The following USP33 variants were observed in gnomAD, a reference collection of about 807,000 sequenced individuals.
USP33 encodes ubiquitin carboxyl-terminal hydrolase 33.
In USP33, 46 loss-of-function variants were observed where a neutral mutation model predicts 124.2. That is an observed-to-expected ratio of 0.37 (90% CI 0.29 to 0.47). The LOEUF is 0.47. Among genes scored for constraint, USP33 ranks in the 20% least tolerant of loss-of-function variants. The pLI, the probability that USP33 is intolerant of heterozygous loss-of-function variation, is 0.99. For missense variants in USP33, 851 were observed against 1,070.6 expected (o/e 0.79, Z 2.86); for synonymous variants, 350 against 352.3 (o/e 0.99, Z 0.07).
intron 5 of USP33, among the ~76,000 whole-genome samples, chr1:77,737,180 A>C (rs977207821): frequency 6.6e-6 from 1 of 152,178 alleles, no homozygotes; most frequent in Non-Finnish European, 1.5e-5. Flanking sequence ...ACCCAAACAG[A>C]GAAGGAAACT....
At chr1:77,736,931 T>C (rs528201427) in intron 5 of USP33, among the ~76,000 whole-genome samples, 4 of 152,180 alleles carry the variant, frequency 2.6e-5, no homozygotes, top group East Asian at 3.9e-4. Context: ...GTATATTAAA[T>C]AGTTCAAGCA....
chr1:77,728,460 T>A lies in USP33; in HGVS notation c.970A>T (p.Asn324Tyr). ...ETTMLIQDDE[N>Y]NSEMSKDWQK... ...CAATCCTTTGACATTTCTGAATTGT[T>A]TTCATCATCCTGAATTAACATTGTT... Residue 324 changes from asparagine to tyrosine, a missense_variant, in exon 10 of 24, where the codon AAC becomes TAC. By Grantham distance (143) the Asn-to-Tyr change is moderately radical. Coordinates refer to ENST00000370794, the MANE Select transcript of USP33 (RefSeq NM_201624.3). 6.2e-7 allele frequency: 1 copy of A among 1,614,058 alleles called. No homozygotes were observed. The highest frequency in any genetic ancestry group is 1.3e-5 in the African/African-American group (1 of 75,038).
At chr1:77,728,178 T>A in intron 10 of USP33, 117 bp downstream of exon 10, 5 of 1,181,420 alleles carry the variant, frequency 4.2e-6, no homozygotes, top group South Asian at 1.7e-5. Flanking sequence ...AATACTCACA[T>A]GCAAATACTG....
In USP33 at chr1:77,715,878, A is replaced by G. The variant is rs756330339; in HGVS notation, c.1919-10T>C. ...GCTATATAGTGTCCACCTGAATTTGAGGGAAAAGAAATCATTACAGTAATA... is the reference window on the plus strand; with the variant it reads ...GCTATATAGTGTCCACCTGAATTTGGGGGAAAAGAAATCATTACAGTAATA... On this transcript the variant is annotated splice_polypyrimidine_tract_variant and intron_variant, in intron 17 of 23. Transcript: ENST00000370794. The G allele has an allele frequency of 6.2e-7, 1 of 1,607,962 alleles. No homozygotes were observed. Among genetic ancestry groups the G allele is most frequent in the East Asian group, 2.2e-5 (1 of 44,806 alleles).
At position 77,728,560 on chromosome 1, in the gene USP33, A is replaced by G; in HGVS notation, c.870T>C (p.Cys290=). The G allele has an allele frequency of 6.2e-7, 1 of 1,614,162 alleles. No homozygotes were observed. Among genetic ancestry groups the G allele is most frequent in the Non-Finnish European group, 8.5e-7 (1 of 1,180,026 alleles). The change falls in exon 10 of 24, where the codon TGT becomes TGC. Residue 290 remains cysteine (C), a synonymous_variant. Coordinates refer to ENST00000370794, the MANE Select transcript of USP33 (RefSeq NM_201624.3). ...CTCTATCACTGTTGCTACAAGATTC[A>G]CAAGACTGAAAATCTACATCCGACT... ...KSQSDVDFQS[C]ESCSNSDRAE... is the part of the protein sequence containing the mutation.
intron 16 of USP33, 70 bp downstream of exon 16, chr1:77,718,526 T>A: frequency 8.4e-7 from 1 of 1,194,246 alleles, no homozygotes; most frequent in South Asian, 1.3e-5. Flanking sequence ...AATTTATTAC[T>A]ACATTTTGTT....
chr1:77,756,826 C>A (rs554437807), intron 1 of USP33, among the ~76,000 whole-genome samples: 1 of 152,290 alleles, frequency 6.6e-6, no homozygotes, highest in South Asian at 2.1e-4. Context: ...TCAGAGAAAC[C>A]ATAAGGGCTA....
intron 22 of USP33, among the ~76,000 whole-genome samples, chr1:77,698,555 C>A (rs1226135789): frequency 6.9e-6 from 1 of 144,648 alleles, no homozygotes; most frequent in African/African-American, 2.6e-5. Flanking sequence ...GGCTGGAGTG[C>A]AGTGGCATCA....
Position 77,718,066 on chromosome 1 carries a change from C to A in USP33, c.1738-19G>T. 1.3e-6 allele frequency: 2 copies of A among 1,566,820 alleles called. No individual in the cohort carries two copies. Among genetic ancestry groups the A allele is most frequent in the South Asian group, 1.2e-5 (1 of 82,262 alleles). ...ACAAAATCTAAAAAAGAATAAAATT[C>A]AAAACTAATTTGTCAATACAGAAAA... On this transcript the variant is annotated intron_variant, in intron 16 of 23. Transcript: ENST00000370794.
chr1:77,721,401 C>A (rs974393570), intron 14 of USP33, 196 bp from the exon 15 acceptor site: 102 of 599,926 alleles, frequency 1.7e-4, no homozygotes, highest in Admixed American at 2.9e-4. Context: ...TGAAGACCTA[C>A]CTCAAATAAT....
At chr1:77,710,937 T>C (rs971633711) in intron 21 of USP33, among the ~76,000 whole-genome samples, 2 of 152,100 alleles carry the variant, frequency 1.3e-5, no homozygotes, top group African/African-American at 4.8e-5. Context: ...TCCTTGCCCA[T>C]AAAACCTGGT....
At chr1:77,727,815 T>C (rs1172161281) in intron 10 of USP33, among the ~76,000 whole-genome samples, 1 of 152,178 alleles carries the variant, frequency 6.6e-6, no homozygotes, top group Non-Finnish European at 1.5e-5. Context: ...ATGCTCTTTC[T>C]CAAAGGAACA....
rs1013188479 is a variant in USP33, at chr1:77,718,102, T to G, written c.1738-55A>C. 40 of 1,438,810 alleles carry G rather than the reference T, an allele frequency of 2.8e-5. No homozygotes were observed. In the African/African-American group the frequency reaches 5.4e-4, roughly 20 times the overall value. The allele number at this position is 1,438,810 out of a possible 1,614,324, so 89.1% of individuals were successfully genotyped here. The stretch of plus-strand genomic sequence containing the variant: ...TGTCAATACAGAAAACAAAAAGCAT[T>G]ATAACAGGTAAAACTTAGTAACATT... On this transcript the variant is annotated intron_variant, in intron 16 of 23. Transcript: ENST00000370794.
chr1:77,743,074 C>G (rs907693561), intron 1 of USP33, among the ~76,000 whole-genome samples: 1 of 152,060 alleles, frequency 6.6e-6, no homozygotes, highest in Non-Finnish European at 1.5e-5. Context: ...TCCCGAGTAG[C>G]TGGGATTACA....
chr1:77,722,306 A>C (rs1362554514), intron 12 of USP33, 110 bp from the exon 13 acceptor site: 14 of 1,092,728 alleles, frequency 1.3e-5, no homozygotes, highest in Non-Finnish European at 1.8e-5. Flanking sequence ...AGCAAAAAAA[A>C]CAAAAAACAA....
Position 77,697,279 on chromosome 1 carries a change from A to C in USP33, c.*38T>G. 6.5e-7 allele frequency: 1 copy of C among 1,542,540 alleles called. No homozygotes were observed. On this transcript the variant is annotated 3_prime_UTR_variant, in exon 24 of 24. Transcript: ENST00000370794. ...GCATGTGTACATGTCAGGGCACATG[A>C]AAATGATTCCTCATTAGAACTCTCT... is the stretch of plus-strand genomic sequence containing the variant.
chr1:77,744,332 C>A (rs1679497245), intron 1 of USP33, among the ~76,000 whole-genome samples: 1 of 151,806 alleles, frequency 6.6e-6, no homozygotes. Context: ...AAAGAAGAAA[C>A]CAAGAAATAG....
chr1:77,714,292 T>A (rs1473251197), intron 19 of USP33, among the ~76,000 whole-genome samples: 1 of 152,224 alleles, frequency 6.6e-6, no homozygotes, highest in African/African-American at 2.4e-5. Context: ...CACTGTAATG[T>A]AAACAGCTGT....
intron 21 of USP33, among the ~76,000 whole-genome samples, chr1:77,705,292 T>G (rs971539508): frequency 1.3e-5 from 2 of 151,846 alleles, no homozygotes; most frequent in Non-Finnish European, 2.9e-5. Flanking sequence ...CCTCCCCAAT[T>G]CAAGCGATTC....
Sources: allele counts gnomAD v4.1 joint callset (sites outside exome capture counted in the v4.1 genomes callset), GRCh38; gene constraint gnomAD v4.1.1; transcripts MANE v1.5; gene names NCBI Gene and HGNC (gene_info 2026-07-23, HGNC 2026-07-21).